Variants in FAM13C observed in about 807,000 individuals in gnomAD.
FAM13C encodes the protein family with sequence similarity 13 member C, also known as protein FAM13C.
In FAM13C, 37 loss-of-function variants were observed where a neutral mutation model predicts 73.2. The ratio of observed to expected loss-of-function variants is 0.51; its 90% CI spans 0.39 to 0.67. The LOEUF (loss-of-function observed/expected upper bound fraction) is 0.67. Among genes scored for constraint, FAM13C ranks in the 30% least tolerant of loss-of-function variants. FAM13C has a pLI of 0.00. For missense variants in FAM13C, 589 were observed against 715.6 expected (o/e 0.82, Z 2.02); for synonymous variants, 246 against 260.9 (o/e 0.94, Z 0.55).
intron 1 of FAM13C, chr10:59,360,997 T>C (rs1260729165): frequency 1.7e-5 from 22 of 1,287,836 alleles, no homozygotes; most frequent in Non-Finnish European, 2.2e-5. Flanking sequence ...CTTAGTACTT[T>C]AAGCACAGCA....
intron 4 of FAM13C, among the ~76,000 whole-genome samples, chr10:59,313,563 G>A (rs979009279): frequency 6.6e-6 from 1 of 152,126 alleles, no homozygotes; most frequent in Non-Finnish European, 1.5e-5. Flanking sequence ...TGTCCAAGTT[G>A]AGCAAGCGAG....
intron 4 of FAM13C, among the ~76,000 whole-genome samples, chr10:59,316,938 A>G (rs1265986980): frequency 6.6e-6 from 1 of 152,208 alleles, no homozygotes; most frequent in East Asian, 1.9e-4. Flanking sequence ...GTATAATATA[A>G]TGTAACATAA....
chr10:59,329,561 G>T (rs564493801), intron 3 of FAM13C, among the ~76,000 whole-genome samples: 1 of 151,818 alleles, frequency 6.6e-6, no homozygotes, highest in South Asian at 2.1e-4. Context: ...TTTTCACCAG[G>T]TTGGCCAGTC....
At chr10:59,334,657 G>C (rs1232159885) in intron 3 of FAM13C, among the ~76,000 whole-genome samples, 1 of 149,630 alleles carries the variant, frequency 6.7e-6, no homozygotes. Context: ...CTATCGCAAG[G>C]ACAAAAAAAC....
In FAM13C at chr10:59,263,986, A is replaced by T. The variant is rs533583343; in HGVS notation, c.1024+99T>A. On this transcript the variant is annotated intron_variant, in intron 9 of 13. Coordinates refer to ENST00000618804, the MANE Select transcript of FAM13C (RefSeq NM_198215.4). Reference sequence around the variant, plus strand: ...GTCTAAGCAGAAAACAAGGTGCAAGAGGGCACAGGTGGAAATGAATCTAAA... The same window carrying T: ...GTCTAAGCAGAAAACAAGGTGCAAGTGGGCACAGGTGGAAATGAATCTAAA... 71 of 1,064,602 alleles carry T rather than the reference A, an allele frequency of 6.7e-5. No homozygotes were observed. In the South Asian group the frequency reaches 8.8e-4, roughly 13 times the overall value. The allele number at this position is 1,064,602 out of a possible 1,614,324, so 65.9% of individuals were successfully genotyped here.
chr10:59,321,114 G>A (rs1348331078), intron 4 of FAM13C, among the ~76,000 whole-genome samples: 1 of 152,144 alleles, frequency 6.6e-6, no homozygotes, highest in Non-Finnish European at 1.5e-5. Context: ...CTTCATCATT[G>A]TCGCTCCTCT....
intron 3 of FAM13C, among the ~76,000 whole-genome samples, chr10:59,337,826 C>G (rs1852945517): frequency 6.6e-6 from 1 of 151,670 alleles, no homozygotes; most frequent in Admixed American, 6.6e-5. Flanking sequence ...ATTACAGGCA[C>G]CTGCCACCAT....
At chr10:59,299,474 T>C (rs77406738) in intron 5 of FAM13C, among the ~76,000 whole-genome samples, 1,959 of 151,230 alleles carry the variant, frequency 0.013, 29 homozygotes, top group South Asian at 0.052. Context: ...ATATATAGTC[T>C]GGGAGTTGGA....
chr10:59,279,402 C>T (rs1454866474), intron 6 of FAM13C, among the ~76,000 whole-genome samples: 8 of 152,272 alleles, frequency 5.3e-5, no homozygotes, highest in Admixed American at 5.2e-4. Flanking sequence ...TAATTGTAGA[C>T]TCTAAATAGA....
intron 10 of FAM13C, among the ~76,000 whole-genome samples, chr10:59,258,162 C>T (rs1842127683): frequency 1.3e-5 from 2 of 152,124 alleles, no homozygotes; most frequent in African/African-American, 2.4e-5. Flanking sequence ...ATAGACTGCT[C>T]CCTTTTCTCT....
intron 7 of FAM13C, among the ~76,000 whole-genome samples, chr10:59,269,221 G>A (rs537694705): frequency 2.6e-5 from 4 of 152,058 alleles, no homozygotes; most frequent in African/African-American, 4.8e-5. Flanking sequence ...TGGACCCAGG[G>A]TTAGATATAT....
intron 13 of FAM13C, among the ~76,000 whole-genome samples, chr10:59,250,397 CA>C (rs1354146153): frequency 6.6e-6 from 1 of 152,096 alleles, no homozygotes; most frequent in Non-Finnish European, 1.5e-5. Flanking sequence ...TTAACATCAC[CA>C]AAAAGGTAAG....
chr10:59,340,385 T>C (rs1255986175), intron 3 of FAM13C, among the ~76,000 whole-genome samples: 1 of 152,094 alleles, frequency 6.6e-6, no homozygotes, highest in African/African-American at 2.4e-5. Flanking sequence ...CAGCACAGAG[T>C]TGAGTACCTC....
At position 59,260,872 on chromosome 10, in the gene FAM13C, G is replaced by T. The variant is rs564767043; in HGVS notation, c.1236+1562C>A. On this transcript the variant is annotated intron_variant, in intron 10 of 13. Transcript: ENST00000618804. ...TATTGTCATGATAATTATATAAGTA[G>T]GTATTACCTGTATTTTACAGATGAG... 2.6e-5 allele frequency among the ~76,000 whole-genome samples: 4 copies of T among 152,238 alleles called. No individual in the cohort carries two copies. In the East Asian group the frequency reaches 7.7e-4, roughly 29 times the overall value.
At chr10:59,283,587 C>T in intron 5 of FAM13C, 140 bp from the exon 6 acceptor site, 1 of 785,178 alleles carries the variant, frequency 1.3e-6, no homozygotes, top group Non-Finnish European at 2.2e-6. Flanking sequence ...CTCCCGCAAG[C>T]ACCTTCCTCC....
At chr10:59,270,296 T>C (rs919375511) in intron 6 of FAM13C, 187 bp from the exon 7 acceptor site, 1 of 619,878 alleles carries the variant, frequency 1.6e-6, no homozygotes, top group Non-Finnish European at 2.7e-6. Flanking sequence ...ACAGAAAATA[T>C]TACAAAGCTG....
At chr10:59,318,016 G>A (rs1461774184) in intron 4 of FAM13C, among the ~76,000 whole-genome samples, 1 of 149,988 alleles carries the variant, frequency 6.7e-6, no homozygotes, top group Non-Finnish European at 1.5e-5. Flanking sequence ...TCTTTATAAC[G>A]TTAAAACAAT....
chr10:59,294,186 A>G (rs1846622043), intron 5 of FAM13C, among the ~76,000 whole-genome samples: 2 of 152,274 alleles, frequency 1.3e-5, no homozygotes, highest in South Asian at 4.1e-4. Flanking sequence ...AATAAAAACT[A>G]CAGCACAGGC....
intron 4 of FAM13C, among the ~76,000 whole-genome samples, chr10:59,313,508 A>T (rs995545137): frequency 1.3e-5 from 2 of 152,152 alleles, no homozygotes; most frequent in African/African-American, 4.8e-5. Context: ...CCACTTTGTC[A>T]TGTACAACCC....
Sources: gnomAD v4.1 joint callset for allele counts (sites outside exome capture counted in the v4.1 genomes callset) on GRCh38, gnomAD v4.1.1 for gene constraint, MANE v1.5 for transcripts, NCBI Gene and HGNC (gene_info 2026-07-23, HGNC 2026-07-21) for gene names.